SELENOV: variants seen among roughly 807,000 people sequenced by gnomAD.
SELENOV encodes the protein selenoprotein V.
A neutral mutation model predicts 21.6 loss-of-function variants in SELENOV; 25 were observed. That is an observed-to-expected ratio of 1.16 (90% CI 0.84 to 1.62). SELENOV has a LOEUF of 1.62. Among genes scored for constraint, SELENOV ranks in the 40% most tolerant of loss-of-function variants. The pLI, the probability that SELENOV is intolerant of heterozygous loss-of-function variation, is 0.00. For missense variants in SELENOV, 472 were observed against 459.0 expected (o/e 1.03, Z -0.26); for synonymous variants, 227 against 216.9 (o/e 1.05, Z -0.41).
intron 1 of SELENOV, 82 bp downstream of exon 1, chr19:39,516,103 A>AG: frequency 1.6e-6 from 2 of 1,271,682 alleles, no homozygotes; most frequent in Non-Finnish European, 2.2e-6. Flanking sequence ...CGTGGAGGTC[A>AG]GGGTTGGGGT....
Position 39,518,971 on chromosome 19 carries a change from CAAG to C in SELENOV, c.961_963del (p.Lys321del), listed in dbSNP as rs779260428. ...TTGTGAACGGGAGACTGGTCCATTC[CAAG>C]AAGGTGATCCTGAGTAAAGGTCCGG... On this transcript the variant is annotated inframe_deletion, in exon 4 of 6. Coordinates refer to ENST00000335426, the Ensembl canonical transcript of SELENOV. The C allele has an allele frequency of 6.2e-4, 1,005 of 1,613,492 alleles. 2 individuals are homozygous for C. Among genetic ancestry groups the C allele is most frequent in the Non-Finnish European group, 7.9e-4 (935 of 1,179,804 alleles).
chr19:39,519,871 A>G (rs542987948), intron 5 of SELENOV, among the ~76,000 whole-genome samples: 1 of 148,616 alleles, frequency 6.7e-6, no homozygotes, highest in African/African-American at 2.5e-5. Context: ...AGGCTGAGGC[A>G]GGAGAATGGC....
intron 1 of SELENOV, among the ~76,000 whole-genome samples, chr19:39,516,401 T>A (rs2079697234): frequency 6.6e-6 from 1 of 152,088 alleles, no homozygotes; most frequent in Non-Finnish European, 1.5e-5. Flanking sequence ...GCCTCTCTCC[T>A]GCCCTGGAAG....
exon 4 of SELENOV, chr19:39,518,961 T>C (rs778218484): frequency 6.2e-7 from 1 of 1,613,760 alleles, no homozygotes; most frequent in Non-Finnish European, 8.5e-7. Context: ...AACGGGAGAC[T>C]GGTCCATTCC....
At chr19:39,518,814 G>C (rs2079713123) in intron 3 of SELENOV, 21 bp downstream of exon 3, 1 of 1,613,664 alleles carries the variant, frequency 6.2e-7, no homozygotes, top group South Asian at 1.1e-5. Flanking sequence ...GGGGGTCCTG[G>C]GGGAGAGGGG....
intron 1 of SELENOV, among the ~76,000 whole-genome samples, chr19:39,518,125 C>G (rs181086226): frequency 7.9e-4 from 119 of 151,320 alleles, no homozygotes; most frequent in Non-Finnish European, 6.3e-4. Flanking sequence ...TAAAAAATTA[C>G]CCGGGCGTGG....
At position 39,515,937 on chromosome 19, in the gene SELENOV, C is replaced by A; in HGVS notation, c.725C>A (p.Ser242Tyr). The change falls in exon 1 of 6, where the codon TCC (serine) becomes TAC (tyrosine). Residue 242 changes from serine to tyrosine, a missense_variant. By Grantham distance (144) the Ser-to-Tyr change is moderately radical (BLOSUM62 -2). Coordinates refer to ENST00000335426, the Ensembl canonical transcript of SELENOV. This position sits in a 1 kb window ranked among gnomAD's most constrained non-coding sequence, Gnocchi z 5.1. ...CTGGGGACCATCCCGTCGGCCATCT[C>A]CTTACAGAATTGTACGGAAACCTTC... 1 of 1,607,280 alleles carries A rather than the reference C, an allele frequency of 6.2e-7. No homozygotes were observed.
At chr19:39,519,037 G>A in intron 4 of SELENOV, 34 bp from the exon 5 acceptor site, 1 of 1,613,114 alleles carries the variant, frequency 6.2e-7, no homozygotes, top group Non-Finnish European at 8.5e-7. Flanking sequence ...CCTGGGGGTG[G>A]GAGACCTGTG....
chr19:39,519,304 C>A (rs1283005149), intron 5 of SELENOV, 134 bp downstream of exon 5: 2 of 669,038 alleles, frequency 3.0e-6, no homozygotes, highest in East Asian at 2.8e-5. Context: ...CACCTACATT[C>A]TTTTCTGAGC....
rs751785588 is a variant in SELENOV at position 39,515,959 on chromosome 19, C to A, written c.747C>A (p.Thr249=). The stretch of plus-strand genomic sequence containing the variant: ...TCTCCTTACAGAATTGTACGGAAAC[C>A]TTCCCCTCCTCCAGCGAGAACTTCG... Residue 249 remains threonine (T), a synonymous_variant, in exon 1 of 6, where the codon ACC becomes ACA. Transcript: ENST00000335426. This position sits in a 1 kb window ranked among gnomAD's most constrained non-coding sequence, Gnocchi z 5.1. The A allele has an allele frequency of 5.0e-6, 8 of 1,608,430 alleles. No homozygotes were observed. The South Asian group carries it at 8.9e-5, about 18-fold the overall frequency.
At position 39,515,249 on chromosome 19, in the gene SELENOV, G is replaced by A. The variant is rs1458775863; in HGVS notation, c.37G>A (p.Ala13Thr). 6.5e-7 allele frequency: 1 copy of A among 1,550,386 alleles called. No homozygotes were observed. Among genetic ancestry groups the A allele is most frequent in the Non-Finnish European group, 8.7e-7 (1 of 1,146,822 alleles). ...GGCGCGGACCCCAGCCCCCTCCTCG[G>A]CGCGGACTTCAACCTCAGTCCGGGC... Residue 13 changes from alanine to threonine, a missense_variant, in exon 1 of 6, where the codon GCG becomes ACG. Ala to Thr is a moderately conservative substitution (Grantham distance 58). Coordinates refer to ENST00000335426, the Ensembl canonical transcript of SELENOV. This position sits in a 1 kb window ranked among gnomAD's most constrained non-coding sequence, Gnocchi z 5.1.
exon 4 of SELENOV, chr19:39,518,904 A>G: frequency 6.2e-7 from 1 of 1,613,776 alleles, no homozygotes; most frequent in South Asian, 1.1e-5. Context: ...TCCTCCCAGG[A>G]GGAGGACAGA....
intron 5 of SELENOV, among the ~76,000 whole-genome samples, chr19:39,519,587 G>A (rs2079718243): frequency 6.6e-6 from 1 of 151,868 alleles, no homozygotes; most frequent in Admixed American, 6.6e-5. Context: ...GATTGCTTGA[G>A]CCCAGGAGTT....
Position 39,518,988 on chromosome 19 carries a change from G to A in SELENOV, c.963+11G>A. 6.2e-7 allele frequency: 1 copy of A among 1,613,820 alleles called. No individual in the cohort carries two copies. Among genetic ancestry groups the A allele is most frequent in the Non-Finnish European group, 8.5e-7 (1 of 1,179,808 alleles). ...GTCCATTCCAAGAAGGTGATCCTGA[G>A]TAAAGGTCCGGGACAGGGAGGTGGG... On this transcript the variant is annotated intron_variant, in intron 4 of 5. Transcript: ENST00000335426.
chr19:39,515,744 A>C lies in SELENOV; in HGVS notation c.532A>C (p.Ile178Leu), dbSNP rs1167633954. Residue 178 changes from isoleucine to leucine, a missense_variant, in exon 1 of 6, where the codon ATC becomes CTC. Coordinates refer to ENST00000335426, the Ensembl canonical transcript of SELENOV. This position sits in a 1 kb window ranked among gnomAD's most constrained non-coding sequence, Gnocchi z 5.1. ...TGAGCCGGCGCCGAGCCTGAAGCTCATCCCGTCGGTCTCCAGCGAGGCCGG... is the reference window on the plus strand; with the variant it reads ...TGAGCCGGCGCCGAGCCTGAAGCTCCTCCCGTCGGTCTCCAGCGAGGCCGG... 1.5e-5 allele frequency: 24 copies of C among 1,549,468 alleles called. No individual in the cohort carries two copies. The Middle Eastern group carries it at 1.2e-3, about 75-fold the overall frequency.
chr19:39,515,749 G>A lies in SELENOV; in HGVS notation c.537G>A (p.Pro179=). The A allele has an allele frequency of 1.3e-6, 2 of 1,549,364 alleles. No individual in the cohort carries two copies. Among genetic ancestry groups the A allele is most frequent in the African/African-American group, 1.4e-5 (1 of 73,116 alleles). The change falls in exon 1 of 6, where the codon CCG becomes CCA. Residue 179 remains proline, a synonymous_variant. Coordinates refer to ENST00000335426, the Ensembl canonical transcript of SELENOV. This position sits in a 1 kb window ranked among gnomAD's most constrained non-coding sequence, Gnocchi z 5.1. ...CGGCGCCGAGCCTGAAGCTCATCCCGTCGGTCTCCAGCGAGGCCGGGCCCG... is the reference window on the plus strand; with the variant it reads ...CGGCGCCGAGCCTGAAGCTCATCCCATCGGTCTCCAGCGAGGCCGGGCCCG...
intron 1 of SELENOV, 85 bp downstream of exon 1, chr19:39,516,106 G>T (rs1366474448): frequency 8.1e-7 from 1 of 1,230,708 alleles, no homozygotes; most frequent in African/African-American, 1.5e-5. Context: ...GGAGGTCAGG[G>T]TTGGGGTAGG....
chr19:39,518,475 T>C, intron 1 of SELENOV, 133 bp from the exon 2 acceptor site: 1 of 902,920 alleles, frequency 1.1e-6, no homozygotes, highest in African/African-American at 1.7e-5. Context: ...ATGGCACTAC[T>C]TCGGGATTCT....
In SELENOV at chr19:39,515,627, C is replaced by G. The variant is rs1000997495; in HGVS notation, c.415C>G (p.Pro139Ala). The change falls in exon 1 of 6, where the codon CCC becomes GCC. Residue 139 changes from proline to alanine, a missense_variant. Transcript: ENST00000335426. The surrounding 1 kb of genome is among the most constrained non-coding windows in gnomAD (Gnocchi z 5.1). ...CCTGGCAGGGATTCGGGCCGCGCTC[C>G]CCGTCTTGGACTCCTACCTGGCCCC... 20 of 1,548,294 alleles carry G rather than the reference C, an allele frequency of 1.3e-5. No individual in the cohort carries two copies. The highest frequency in any genetic ancestry group is 5.9e-5 in the Admixed American group (3 of 50,978).
Sources: gnomAD v4.1 joint callset for allele counts (sites outside exome capture counted in the v4.1 genomes callset) on GRCh38, gnomAD v4.1.1 for gene constraint, Gnocchi (gnomAD v3.1) non-coding constraint, MANE v1.5 for transcripts, NCBI Gene and HGNC (gene_info 2026-07-23, HGNC 2026-07-21) for gene names.